KIF13B: variants seen among roughly 807,000 people sequenced by gnomAD.
KIF13B encodes the protein kinesin-like protein KIF13B.
KIF13B carries 127 observed loss-of-function variants against 222.0 expected under a neutral mutation model. The ratio of observed to expected loss-of-function variants is 0.57; its 90% CI spans 0.50 to 0.66. KIF13B has a LOEUF of 0.66. KIF13B is among the 30% of genes least tolerant of loss of function. The pLI is 0.00. For synonymous variants in KIF13B, 976 were observed against 919.0 expected, an observed-to-expected ratio of 1.06 and a Z score of -1.12; for missense variants, 2,173 against 2,379.0, an observed-to-expected ratio of 0.91 and a Z score of 1.80.
At chr8:29,142,419 C>A (rs1810858002) in intron 18 of KIF13B, 116 bp from the exon 19 acceptor site, 1 of 855,584 alleles carries the variant, frequency 1.2e-6, no homozygotes. Context: ...TGGCAATCAT[C>A]CTTTAATCTG....
chr8:29,245,790 G>GACAC (rs199810836), intron 1 of KIF13B, among the ~76,000 whole-genome samples: 1 of 152,016 alleles, frequency 6.6e-6, no homozygotes, highest in African/African-American at 2.4e-5. Context: ...TAAATCCTAA[G>GACAC]AGAAAATCCT....
intron 2 of KIF13B, among the ~76,000 whole-genome samples, chr8:29,214,489 G>A (rs1814385472): frequency 1.3e-5 from 2 of 152,146 alleles, no homozygotes; most frequent in African/African-American, 4.8e-5. Flanking sequence ...CCCACTGGAA[G>A]GTCTTCAGGG....
rs769816811 is a variant in KIF13B, at chr8:29,070,672, C to G, written c.5313G>C (p.Thr1771=). The change falls in exon 40 of 40, where the codon ACG becomes ACC. Residue 1771 remains threonine, a synonymous_variant. Transcript: ENST00000524189. The surrounding 1 kb of genome is among the most constrained non-coding windows in gnomAD (Gnocchi z 4.1). The stretch of plus-strand genomic sequence containing the variant: ...CTGTGCTGCGCCGCCGCACAGGGCC[C>G]GTGGCCCTGCGGACCCGGCTGGGCC... ...LVRPSRVRRA[T]GPVRRRSTGL... is the part of the protein sequence containing the mutation. 6.4e-6 allele frequency: 10 copies of G among 1,561,268 alleles called. No homozygotes were observed. The highest frequency in any genetic ancestry group is 7.8e-6 in the Non-Finnish European group (9 of 1,153,092).
chr8:29,164,196 A>C (rs1811895447), intron 12 of KIF13B, among the ~76,000 whole-genome samples: 1 of 152,242 alleles, frequency 6.6e-6, no homozygotes, highest in Admixed American at 6.5e-5. Flanking sequence ...GTGCTAATAT[A>C]ACATCCACTT....
At chr8:29,094,094 C>T (rs1047888296) in intron 36 of KIF13B, among the ~76,000 whole-genome samples, 3 of 152,186 alleles carry the variant, frequency 2.0e-5, no homozygotes, top group East Asian at 3.8e-4. Flanking sequence ...AAAGGCCGCA[C>T]ATATCACTAA....
chr8:29,071,745 G>A lies in KIF13B; in HGVS notation c.5093C>T (p.Pro1698Leu), dbSNP rs1009322807. 10 of 1,549,684 alleles carry A rather than the reference G, an allele frequency of 6.5e-6. No individual in the cohort carries two copies. The highest frequency in any genetic ancestry group is 3.9e-5 in the Admixed American group (2 of 50,986). The change falls in exon 39 of 40, where the codon CCG becomes CTG. Residue 1698 changes from proline to leucine, a missense_variant. By Grantham distance (98) the Pro-to-Leu change is moderately conservative (BLOSUM62 -3). Transcript: ENST00000524189. This position sits in a 1 kb window ranked among gnomAD's most constrained non-coding sequence, Gnocchi z 4.9. ...ASDSEEADEV[P>L]EWLREGEFVT... ...GAACTCGCCCTCTCGGAGCCACTCC[G>A]GGACCTCGTCAGCTTCCTCGGAATC...
In KIF13B at chr8:29,070,201, C is replaced by G; in HGVS notation, c.*303G>C. 1 of 459,888 alleles carries G rather than the reference C, an allele frequency of 2.2e-6. No individual in the cohort carries two copies. The highest frequency in any genetic ancestry group is 3.9e-6 in the Non-Finnish European group (1 of 258,644). 28.5% of individuals were successfully genotyped at this position (459,888 alleles called of 1,614,324 possible). A position where few individuals can be genotyped will look rare whatever the true frequency, so the allele number is the denominator to read the frequency against. ...ACATAAGGCCCCAGGCACAGGCACA[C>G]AGCAAGATCACCAGGCGCTGCACCA... On this transcript the variant is annotated 3_prime_UTR_variant, in exon 40 of 40. Transcript: ENST00000524189. This position sits in a 1 kb window ranked among gnomAD's most constrained non-coding sequence, Gnocchi z 4.1.
At chr8:29,252,369 G>A (rs1438020553) in intron 1 of KIF13B, among the ~76,000 whole-genome samples, 1 of 152,160 alleles carries the variant, frequency 6.6e-6, no homozygotes, top group Non-Finnish European at 1.5e-5. Flanking sequence ...GTTCCATCTG[G>A]GGAAATGCAT....
intron 10 of KIF13B, among the ~76,000 whole-genome samples, chr8:29,168,812 G>C (rs1245997099): frequency 2.0e-5 from 3 of 152,162 alleles, no homozygotes; most frequent in Non-Finnish European, 4.4e-5. Flanking sequence ...CACGCACCCG[G>C]AGTCCTGACC....
rs760240202 is a variant in KIF13B, at chr8:29,109,929, G to A, written c.4072C>T (p.Arg1358Cys). ...TGCGGTTGGCTAACCTGGCGCAGAC[G>A]ATCTAAAGTCAGGAGGTTTTCTACA... ...LAVENLLTLD[R>C]LRQEVAVKEQ... is the part of the protein sequence containing the mutation. Residue 1358 changes from arginine (R) to cysteine (C), a missense_variant, in exon 33 of 40, where the codon CGT (arginine) becomes TGT (cysteine). Arg to Cys is a radical substitution (Grantham distance 180). This residue lies in a region of KIF13B where 1,480 missense variants were observed against 1,722.8 expected (regional missense o/e 0.86). Coordinates refer to ENST00000524189, the MANE Select transcript of KIF13B (RefSeq NM_015254.4). 18 of 1,613,402 alleles carry A rather than the reference G, an allele frequency of 1.1e-5. No homozygotes were observed. The highest frequency in any genetic ancestry group is 6.7e-5 in the Admixed American group (4 of 59,952).
chr8:29,081,494 G>A (rs897879906), intron 37 of KIF13B, among the ~76,000 whole-genome samples: 2 of 152,208 alleles, frequency 1.3e-5, no homozygotes, highest in Non-Finnish European at 2.9e-5. Context: ...AATTCTAAAT[G>A]CAGATCAAGT....
chr8:29,128,510 T>C (rs922084233), intron 24 of KIF13B, among the ~76,000 whole-genome samples: 9 of 152,198 alleles, frequency 5.9e-5, no homozygotes, highest in East Asian at 1.9e-4. Context: ...CTCAGATATT[T>C]TGTGGGAAAA....
At chr8:29,125,527 G>A (rs770250982) in intron 26 of KIF13B, among the ~76,000 whole-genome samples, 5 of 152,164 alleles carry the variant, frequency 3.3e-5, no homozygotes, top group Non-Finnish European at 7.3e-5. Flanking sequence ...TTGTGCCATA[G>A]GACTCTGTAT....
intron 37 of KIF13B, among the ~76,000 whole-genome samples, chr8:29,079,672 C>A (rs985583227): frequency 2.6e-5 from 4 of 152,120 alleles, no homozygotes; most frequent in African/African-American, 9.7e-5. Flanking sequence ...TCAGAACTTC[C>A]CTAACATTGA....
intron 1 of KIF13B, 119 bp downstream of exon 1, chr8:29,262,849 CCGGGCCCCTCCT>C: frequency 1.6e-6 from 1 of 640,676 alleles, no homozygotes; most frequent in Non-Finnish European, 2.5e-6. Context: ...TTCAGGGTCC[CCGGGCCCCTCCT>C]CGCGCCCCGC....
intron 32 of KIF13B, among the ~76,000 whole-genome samples, chr8:29,110,399 T>C (rs188492933): frequency 2.6e-5 from 4 of 151,982 alleles, no homozygotes; most frequent in Non-Finnish European, 5.9e-5. Context: ...GTAAAAACAA[T>C]TCAGGAACAT....
At chr8:29,123,951 T>C in intron 27 of KIF13B, 73 bp downstream of exon 27, 4 of 900,464 alleles carry the variant, frequency 4.4e-6, no homozygotes, top group Non-Finnish European at 7.1e-6. Flanking sequence ...TTAACTGATG[T>C]GGCTACAAAG....
chr8:29,150,046 G>A (rs140264261), intron 15 of KIF13B, among the ~76,000 whole-genome samples: 20 of 152,230 alleles, frequency 1.3e-4, no homozygotes, highest in Non-Finnish European at 2.5e-4. Flanking sequence ...CTTCTAGTGG[G>A]AAATAAAAGG....
chr8:29,094,213 A>C (rs1416667157), intron 36 of KIF13B, among the ~76,000 whole-genome samples: 2 of 152,110 alleles, frequency 1.3e-5, no homozygotes, highest in African/African-American at 2.4e-5. Flanking sequence ...TCAAGGATCT[A>C]GCTCTACCTA....
Sources: gnomAD v4.1 joint callset for allele counts (sites outside exome capture counted in the v4.1 genomes callset) on GRCh38, gnomAD v4.1.1 for gene constraint, gnomAD v4.1.1 regional missense constraint, Gnocchi (gnomAD v3.1) non-coding constraint, MANE v1.5 for transcripts, NCBI Gene and HGNC (gene_info 2026-07-23, HGNC 2026-07-21) for gene names.